TNXB: variants seen among roughly 807,000 people sequenced by gnomAD.
TNXB encodes the protein tenascin-X.
A neutral mutation model predicts 340.5 loss-of-function variants in TNXB; 183 were observed. That is an observed-to-expected ratio of 0.54 (90% CI 0.48 to 0.61). TNXB has a LOEUF of 0.61. Ranked by LOEUF, TNXB falls within the 20% of genes least tolerant of loss-of-function variation. The pLI, the probability that TNXB is intolerant of heterozygous loss-of-function variation, is 0.00. For synonymous variants in TNXB, 2,121 were observed against 2,314.5 expected, an observed-to-expected ratio of 0.92 and a Z score of 2.40; for missense variants, 4,613 against 5,446.4, an observed-to-expected ratio of 0.85 and a Z score of 4.82.
rs1781091866 is a variant in TNXB, at chr6:32,108,579, G to GC, written c.-9+601_-9+602insG. Among the ~76,000 whole-genome samples, 1 of 152,064 alleles carries GC rather than the reference G, an allele frequency of 6.6e-6. No individual in the cohort carries two copies. The highest frequency in any genetic ancestry group is 1.5e-5 in the Non-Finnish European group (1 of 68,012). On this transcript the variant is annotated intron_variant, in intron 1 of 43. Coordinates refer to ENST00000644971, the MANE Select transcript of TNXB (RefSeq NM_001365276.2). The surrounding 1 kb of genome is among the most constrained non-coding windows in gnomAD (Gnocchi z 4.8). ...TGTGCACGTCCCAGACCCGAGTCCT[G>GC]ACTGTCCCATTTCAGTATTTCCTAA...
At position 32,049,656 on chromosome 6, in the gene TNXB, G is replaced by GCCC; in HGVS notation, c.9440-70_9440-69insGGG. Reference sequence around the variant, plus strand: ...GGGTCCTGGGGAAAAGGAGGGAGAAGCCAAGGCTATGACTGGGGGACCTGA... The same window carrying GCCC: ...GGGTCCTGGGGAAAAGGAGGGAGAAGCCCCCAAGGCTATGACTGGGGGACCTGA... On this transcript the variant is annotated intron_variant, in intron 27 of 43. Coordinates refer to ENST00000644971, the MANE Select transcript of TNXB (RefSeq NM_001365276.2). This position sits in a 1 kb window ranked among gnomAD's most constrained non-coding sequence, Gnocchi z 4.5. The GCCC allele has an allele frequency of 6.5e-7, 1 of 1,529,660 alleles. No individual in the cohort carries two copies. The highest frequency in any genetic ancestry group is 1.4e-5 in the African/African-American group (1 of 73,198). The allele number at this position is 1,529,660 out of a possible 1,614,324, so 94.8% of individuals were successfully genotyped here.
At chr6:32,077,700 T>C (rs776802035) in intron 11 of TNXB, among the ~76,000 whole-genome samples, 5 of 152,146 alleles carry the variant, frequency 3.3e-5, no homozygotes, top group Non-Finnish European at 7.4e-5. Context: ...ATGTTCTTCT[T>C]TGCTGTAAAG....
intron 43 of TNXB, 121 bp from the exon 44 acceptor site, chr6:32,041,571 C>G: frequency 9.4e-7 from 1 of 1,060,902 alleles, no homozygotes; most frequent in East Asian, 2.6e-5. Flanking sequence ...CTTCCTGACC[C>G]TCCGCTGCAG....
intron 24 of TNXB, 102 bp from the exon 25 acceptor site, chr6:32,053,813 G>C (rs1777458650): frequency 7.6e-7 from 1 of 1,310,802 alleles, no homozygotes; most frequent in African/African-American, 1.5e-5. Flanking sequence ...GGACGATGCT[G>C]CCCACAGCGC....
Position 32,042,530 on chromosome 6 carries a change from G to C in TNXB, c.12135C>G (p.Thr4045=). Residue 4045 remains threonine, a synonymous_variant, in exon 40 of 44, where the codon ACC becomes ACG. Transcript: ENST00000644971. ...QNGAGASRTS[T]IFLNGNRERP... ...GCTCGCGGTTGCCGTTGAGGAAGATGGTGCTGGTCCTGGAGGCACCGGCTC... is the reference window on the plus strand; with the variant it reads ...GCTCGCGGTTGCCGTTGAGGAAGATCGTGCTGGTCCTGGAGGCACCGGCTC... 1.2e-6 allele frequency: 2 copies of C among 1,612,222 alleles called. No individual in the cohort carries two copies. The highest frequency in any genetic ancestry group is 2.2e-5 in the South Asian group (2 of 91,034).
At position 32,085,937 on chromosome 6, in the gene TNXB, GGT is replaced by G; in HGVS notation, c.2959_2960del (p.Thr987LeufsTer18). The G allele has an allele frequency of 6.2e-7, 1 of 1,608,468 alleles. No homozygotes were observed. Among genetic ancestry groups the G allele is most frequent in the Non-Finnish European group, 8.5e-7 (1 of 1,178,816 alleles). Reference protein sequence around the residue: ...LRVVWTAQPDTFAYFQLRMRV... With the variant: ...LRVVWTAQPDXFAYFQLRMRV... ...GCATGCGCAGTTGGAAGTAGGCAAA[GGT>G]GTCAGGCTGGGCGGTCCAGACCACA... On this transcript the variant is annotated frameshift_variant, in exon 7 of 44. Transcript: ENST00000644971. LOFTEE classifies it high-confidence loss of function. This position sits in a 1 kb window ranked among gnomAD's most constrained non-coding sequence, Gnocchi z 6.4.
rs376472382 is a variant in TNXB at position 32,081,647 on chromosome 6, G to A, written c.3763C>T (p.Arg1255Cys). The A allele has an allele frequency of 1.1e-4, 173 of 1,589,258 alleles. 1 individual carries two copies. The highest frequency in any genetic ancestry group is 1.7e-4 in the Middle Eastern group (1 of 6,044). Reference sequence around the variant, plus strand: ...AGGGGCTGCTCCAGGAACTCAGGGCGGGGGGGCTCCTCTTTCCTCTCTGGA... The same window carrying A: ...AGGGGCTGCTCCAGGAACTCAGGGCAGGGGGGCTCCTCTTTCCTCTCTGGA... ...TAPERKEEPP[R>C]PEFLEQPLLG... Residue 1255 changes from arginine to cysteine, a missense_variant, in exon 10 of 44, where the codon CGC becomes TGC. Arg to Cys is a radical substitution (Grantham distance 180, BLOSUM62 -3). Coordinates refer to ENST00000644971, the MANE Select transcript of TNXB (RefSeq NM_001365276.2). The surrounding 1 kb of genome is among the most constrained non-coding windows in gnomAD (Gnocchi z 5.1).
chr6:32,087,801 C>T lies in TNXB; in HGVS notation c.2779+984G>A. On this transcript the variant is annotated intron_variant, in intron 6 of 43. Transcript: ENST00000644971. This position sits in a 1 kb window ranked among gnomAD's most constrained non-coding sequence, Gnocchi z 9.0. ...TGCCGCGGAAACGGCTCAGCTCGGC[C>T]GTCAGGTTGCCCCAAGGCCGCCGTG... 2.0e-6 allele frequency: 1 copy of T among 509,866 alleles called. No homozygotes were observed. The highest frequency in any genetic ancestry group is 2.0e-5 in the Admixed American group (1 of 51,090). 31.6% of individuals were successfully genotyped at this position (509,866 alleles called of 1,614,324 possible). A position where few individuals can be genotyped will look rare whatever the true frequency, so the allele number is the denominator to read the frequency against.
chr6:32,084,225 GA>G lies in TNXB; in HGVS notation c.3445+187del, dbSNP rs1460593055. ...ATGCTCTCCCCACCTTACTCACCGTGACTCCCTCAGGCTGCACTGAGCTTCT... is the reference window on the plus strand; with the variant it reads ...ATGCTCTCCCCACCTTACTCACCGTGCTCCCTCAGGCTGCACTGAGCTTCT... On this transcript the variant is annotated intron_variant, in intron 8 of 43. Coordinates refer to ENST00000644971, the MANE Select transcript of TNXB (RefSeq NM_001365276.2). The surrounding 1 kb of genome is among the most constrained non-coding windows in gnomAD (Gnocchi z 5.5). Among the ~76,000 whole-genome samples the G allele has an allele frequency of 6.6e-6, 1 of 152,082 alleles. No homozygotes were observed. Among genetic ancestry groups the G allele is most frequent in the Non-Finnish European group, 1.5e-5 (1 of 68,024 alleles).
At position 32,048,411 on chromosome 6, in the gene TNXB, G is replaced by A; in HGVS notation, c.9997C>T (p.Leu3333Phe). 1 of 1,543,820 alleles carries A rather than the reference G, an allele frequency of 6.5e-7. No individual in the cohort carries two copies. The highest frequency in any genetic ancestry group is 8.8e-7 in the Non-Finnish European group (1 of 1,139,780). ...ARKYKFLLFG[L>F]QNGKRHGPVP... Reference sequence around the variant, plus strand: ...GGGCCGTGGCGTTTCCCATTCTGGAGTCCAAAGAGCAGGAACTTGTACTTG... The same window carrying A: ...GGGCCGTGGCGTTTCCCATTCTGGAATCCAAAGAGCAGGAACTTGTACTTG... The change falls in exon 29 of 44, where the codon CTC becomes TTC. Residue 3333 changes from leucine to phenylalanine, a missense_variant. By Grantham distance (22) the Leu-to-Phe change is conservative. Transcript: ENST00000644971.
At position 32,042,590 on chromosome 6, in the gene TNXB, G is replaced by C; in HGVS notation, c.12075C>G (p.Pro4025=). Residue 4025 remains proline (P), a synonymous_variant, in exon 40 of 44, where the codon CCC becomes CCG. Transcript: ENST00000644971. ...TSFTTGGLRI[P]FPRDCGEEMQ... ...TCTCCTCCCCGCAGTCCCTGGGGAA[G>C]GGGATCCGCAGCCCACCTGGGAGAG... The C allele has an allele frequency of 6.3e-7, 1 of 1,582,374 alleles. No homozygotes were observed. Among genetic ancestry groups the C allele is most frequent in the Non-Finnish European group, 8.6e-7 (1 of 1,163,582 alleles).
In TNXB at chr6:32,070,398, G is replaced by A. The variant is rs754791908; in HGVS notation, c.5007C>T (p.Ala1669=). ...CAAGGCGGGGTGGGGCCCCTGGGCT[G>A]GCGTCACCTCGGGCAACTGGAGAGG... ...VEAKTVARGD[A]SPGAPPRLGE... The change falls in exon 14 of 44, where the codon GCC becomes GCT. Residue 1669 remains alanine, a synonymous_variant. Coordinates refer to ENST00000644971, the MANE Select transcript of TNXB (RefSeq NM_001365276.2). The surrounding 1 kb of genome is among the most constrained non-coding windows in gnomAD (Gnocchi z 6.0). The A allele has an allele frequency of 6.3e-7, 1 of 1,591,970 alleles. No individual in the cohort carries two copies. The highest frequency in any genetic ancestry group is 1.3e-5 in the African/African-American group (1 of 74,728).
chr6:32,096,063 T>C lies in TNXB; in HGVS notation c.1790A>G (p.His597Arg). 6.2e-7 allele frequency: 1 copy of C among 1,613,024 alleles called. No individual in the cohort carries two copies. ...VRQCPNDCSQ[H>R]GVCQDGVCIC... ...GCACACACCGTCCTGGCACACGCCG[T>C]GCTGGCTGCAGTCATTCGGGCACTG... The change falls in exon 3 of 44, where the codon CAC becomes CGC. Residue 597 changes from histidine (H) to arginine (R), a missense_variant. This residue lies in a region of TNXB where 4,327 missense variants were observed against 4,859.4 expected (regional missense o/e 0.89). Coordinates refer to ENST00000644971, the MANE Select transcript of TNXB (RefSeq NM_001365276.2).
chr6:32,098,267 C>A (rs552607122), intron 1 of TNXB, 61 bp from the exon 2 acceptor site: 2 of 1,358,256 alleles, frequency 1.5e-6, no homozygotes, highest in East Asian at 2.4e-5. Context: ...TGAATCCCCC[C>A]TTCTCCAGCA....
At position 32,084,656 on chromosome 6, in the gene TNXB, G is replaced by T. The variant is rs1372767780; in HGVS notation, c.3202C>A (p.Leu1068Met). ...TCGGAGGTCCTGTCTGTCACCGTCA[G>T]CTCACCCAGGCGTGGTGGGCCTGAG... Reference protein sequence around the residue: ...KSSGPPRLGELTVTDRTSDSL... With the variant: ...KSSGPPRLGEMTVTDRTSDSL... Residue 1068 changes from leucine to methionine, a missense_variant, in exon 8 of 44, where the codon CTG becomes ATG. Physicochemically the swap from Leu to Met is conservative, Grantham distance 15. Coordinates refer to ENST00000644971, the MANE Select transcript of TNXB (RefSeq NM_001365276.2). The surrounding 1 kb of genome is among the most constrained non-coding windows in gnomAD (Gnocchi z 5.5). The T allele has an allele frequency of 6.3e-7, 1 of 1,596,024 alleles. No individual in the cohort carries two copies. The highest frequency in any genetic ancestry group is 8.5e-7 in the Non-Finnish European group (1 of 1,170,470).
chr6:32,047,477 G>C lies in TNXB; in HGVS notation c.10324+257C>G, dbSNP rs1407892741. Among the ~76,000 whole-genome samples the C allele has an allele frequency of 6.6e-6, 1 of 152,220 alleles. No individual in the cohort carries two copies. On this transcript the variant is annotated intron_variant, in intron 30 of 43. Coordinates refer to ENST00000644971, the MANE Select transcript of TNXB (RefSeq NM_001365276.2). This position sits in a 1 kb window ranked among gnomAD's most constrained non-coding sequence, Gnocchi z 6.2. ...CTTGTCCATGGTCACCCTGGCAAAG[G>C]CTAGGACTGGAACTGGAACACAGAT...
In TNXB at chr6:32,046,439, G is replaced by T; in HGVS notation, c.10342C>A (p.Leu3448Ile). The change falls in exon 31 of 44, where the codon CTA becomes ATA. Residue 3448 changes from leucine to isoleucine, a missense_variant. Leu to Ile is a conservative substitution (Grantham distance 5, BLOSUM62 2). Coordinates refer to ENST00000644971, the MANE Select transcript of TNXB (RefSeq NM_001365276.2). The surrounding 1 kb of genome is among the most constrained non-coding windows in gnomAD (Gnocchi z 6.9). ...GTCAGTTCCCCCAGGTGGGGAGGTAGCTCCTTCTCCAGGGGAGCTGTGCAG... is the reference window on the plus strand; with the variant it reads ...GTCAGTTCCCCCAGGTGGGGAGGTATCTCCTTCTCCAGGGGAGCTGTGCAG... ...DSTTAPLEKELPPHLGELTVA... is the reference protein window; with the variant it reads ...DSTTAPLEKEIPPHLGELTVA... The T allele has an allele frequency of 6.3e-7, 1 of 1,574,976 alleles. No individual in the cohort carries two copies. Among genetic ancestry groups the T allele is most frequent in the Non-Finnish European group, 8.7e-7 (1 of 1,153,380 alleles).
At position 32,090,811 on chromosome 6, in the gene TNXB, C is replaced by T. The variant is rs1343160867; in HGVS notation, c.2359-1432G>A. Among the ~76,000 whole-genome samples the T allele has an allele frequency of 1.3e-5, 2 of 152,140 alleles. No homozygotes were observed. Among genetic ancestry groups the T allele is most frequent in the Non-Finnish European group, 2.9e-5 (2 of 68,028 alleles). ...GCCTCAACTCAAGACCCATGAAATC[C>T]TTACCCTTCCCAGAATTTATTTGTT... On this transcript the variant is annotated intron_variant, in intron 4 of 43. Transcript: ENST00000644971. The surrounding 1 kb of genome is among the most constrained non-coding windows in gnomAD (Gnocchi z 4.3).
Position 32,056,608 on chromosome 6 carries a change from G to A in TNXB, c.8121C>T (p.Pro2707=), listed in dbSNP as rs1777662476. Residue 2707 remains proline, a synonymous_variant, in exon 23 of 44, where the codon CCC becomes CCT. Coordinates refer to ENST00000644971, the MANE Select transcript of TNXB (RefSeq NM_001365276.2). Reference sequence around the variant, plus strand: ...CACCCGTCACCCCAATGACAGAGATGGGGCCCACGCGCTGGCCACCGTGGA... The same window carrying A: ...CACCCGTCACCCCAATGACAGAGATAGGGCCCACGCGCTGGCCACCGTGGA... ...YGFHGGQRVG[P]ISVIGVTAAE... is the part of the protein sequence containing the mutation. The A allele has an allele frequency of 1.9e-6, 3 of 1,613,072 alleles. No homozygotes were observed. The highest frequency in any genetic ancestry group is 1.1e-5 in the South Asian group (1 of 91,082).
Sources: gnomAD v4.1 joint callset for allele counts (sites outside exome capture counted in the v4.1 genomes callset) on GRCh38, gnomAD v4.1.1 for gene constraint, gnomAD v4.1.1 regional missense constraint, Gnocchi (gnomAD v3.1) non-coding constraint, MANE v1.5 for transcripts, NCBI Gene and HGNC (gene_info 2026-07-23, HGNC 2026-07-21) for gene names.